The following SNTG2 variants were observed in gnomAD, a reference collection of about 807,000 sequenced individuals.
The protein encoded by SNTG2 is gamma-2-syntrophin.
In SNTG2, 74 loss-of-function variants were observed where a neutral mutation model predicts 70.9. The observed-to-expected ratio is 1.04, with a 90% CI of 0.86 to 1.27. The LOEUF (loss-of-function observed/expected upper bound fraction) is 1.27. Ranked by LOEUF, SNTG2 falls within the 50% of genes most tolerant of loss-of-function variation. SNTG2 has a pLI of 0.00. For missense variants in SNTG2, 717 were observed against 690.7 expected (o/e 1.04, Z -0.43); for synonymous variants, 278 against 273.8 (o/e 1.02, Z -0.15).
At chr2:1,101,137 C>T (rs980449578) in intron 4 of SNTG2, among the ~76,000 whole-genome samples, 2 of 152,206 alleles carry the variant, frequency 1.3e-5, no homozygotes, top group African/African-American at 4.8e-5. Context: ...GAGGTCCCCA[C>T]GCTCCTCCCA....
chr2:1,263,832 T>G (rs886970017), intron 13 of SNTG2, among the ~76,000 whole-genome samples: 1 of 152,214 alleles, frequency 6.6e-6, no homozygotes, highest in Non-Finnish European at 1.5e-5. Context: ...GTGGAGGCTC[T>G]GAGAGAGTGA....
At chr2:1,157,467 C>A (rs4246566) in intron 6 of SNTG2, among the ~76,000 whole-genome samples, 150,119 of 152,350 alleles carry the variant, frequency 0.99, 73,989 homozygotes, top group East Asian at 1. Flanking sequence ...ACAGGAGGGA[C>A]GGTGTCCACG....
intron 14 of SNTG2, among the ~76,000 whole-genome samples, chr2:1,304,480 A>G (rs4356697): frequency 0.02 from 3,015 of 152,220 alleles, 97 homozygotes; most frequent in African/African-American, 0.068. Flanking sequence ...TAATCTCAGC[A>G]CTTTGGGAGG....
intron 16 of SNTG2, among the ~76,000 whole-genome samples, chr2:1,326,275 A>C (rs1009639634): frequency 1.6e-4 from 24 of 152,350 alleles, no homozygotes; most frequent in Non-Finnish European, 2.6e-4. Flanking sequence ...AAGGAAACGT[A>C]ATATGCCTTT....
chr2:1,294,632 T>C (rs960517938), intron 14 of SNTG2, among the ~76,000 whole-genome samples: 3 of 152,196 alleles, frequency 2.0e-5, no homozygotes, highest in Admixed American at 6.5e-5. Flanking sequence ...GTAAAGGGGT[T>C]CATCATCCAT....
At chr2:1,067,070 A>T (rs575142304) in intron 1 of SNTG2, among the ~76,000 whole-genome samples, 4 of 152,138 alleles carry the variant, frequency 2.6e-5, no homozygotes, top group African/African-American at 9.7e-5. Context: ...AAATCGCTCA[A>T]ATTTGCTTTT....
intron 7 of SNTG2, among the ~76,000 whole-genome samples, chr2:1,169,302 G>T (rs1558485060): frequency 6.6e-6 from 1 of 152,068 alleles, no homozygotes; most frequent in Non-Finnish European, 1.5e-5. Flanking sequence ...GCTAAGTGGG[G>T]GTGGGAGGCA....
At chr2:1,209,788 T>C (rs948468316) in intron 9 of SNTG2, among the ~76,000 whole-genome samples, 2 of 152,266 alleles carry the variant, frequency 1.3e-5, no homozygotes, top group Non-Finnish European at 2.9e-5. Flanking sequence ...ATTTAATTAC[T>C]GTGGAAAGGC....
At chr2:1,179,512 A>T (rs567779480) in intron 8 of SNTG2, among the ~76,000 whole-genome samples, 1 of 152,254 alleles carries the variant, frequency 6.6e-6, no homozygotes, top group African/African-American at 2.4e-5. Context: ...CTTACAAGGG[A>T]TGTGAAGGAC....
intron 1 of SNTG2, among the ~76,000 whole-genome samples, chr2:957,236 C>T (rs1030715233): frequency 3.3e-5 from 5 of 150,688 alleles, no homozygotes; most frequent in African/African-American, 7.4e-5. Context: ...ATTCCTAAAA[C>T]GATCATGGTC....
intron 9 of SNTG2, among the ~76,000 whole-genome samples, chr2:1,222,139 C>CTCTCTGTCTCTGTCTCTGTCTCTCTCTG: frequency 8.6e-6 from 1 of 116,116 alleles, no homozygotes; most frequent in South Asian, 2.6e-4. Flanking sequence ...CTCTCTGTCT[C>CTCTCTGTCTCTGTCTCTGTCTCTCTCTG]TCTCTGTCTC....
chr2:982,370 T>C (rs1386832419), intron 1 of SNTG2, among the ~76,000 whole-genome samples: 2 of 152,194 alleles, frequency 1.3e-5, no homozygotes, highest in African/African-American at 4.8e-5. Flanking sequence ...TGTGCCCTAT[T>C]AATCTGGATG....
At chr2:998,872 T>C (rs1319198482) in intron 1 of SNTG2, among the ~76,000 whole-genome samples, 1 of 151,674 alleles carries the variant, frequency 6.6e-6, no homozygotes, top group African/African-American at 2.4e-5. Flanking sequence ...AAAAAAACTT[T>C]GAATCATCAA....
chr2:1,057,604 G>A (rs1662546502), intron 1 of SNTG2, among the ~76,000 whole-genome samples: 1 of 152,170 alleles, frequency 6.6e-6, no homozygotes, highest in African/African-American at 2.4e-5. Flanking sequence ...TGATTAGATG[G>A]TGCCCACTGA....
chr2:1,067,890 G>T (rs1395716490), intron 1 of SNTG2, among the ~76,000 whole-genome samples: 1 of 152,182 alleles, frequency 6.6e-6, no homozygotes, highest in African/African-American at 2.4e-5. Context: ...CTTTCCCCGG[G>T]AGGAAGTGCA....
In SNTG2 at chr2:953,966, A is replaced by G. The variant is rs551030570; in HGVS notation, c.72+2898A>G. ...TGAGTGAGTTGGCAGAGGGGCTGGC[A>G]TTGCAGTTCTCGGTGACAGAGGGTG... On this transcript the variant is annotated intron_variant, in intron 1 of 16. Coordinates refer to ENST00000308624, the MANE Select transcript of SNTG2 (RefSeq NM_018968.4). 6.9e-4 allele frequency among the ~76,000 whole-genome samples: 104 copies of G among 151,198 alleles called. 1 individual carries two copies. The South Asian group carries it at 0.018, about 26-fold the overall frequency.
At chr2:1,365,559 G>A (rs56166938) in intron 16 of SNTG2, among the ~76,000 whole-genome samples, 1 of 151,780 alleles carries the variant, frequency 6.6e-6, no homozygotes, top group African/African-American at 2.4e-5. Flanking sequence ...CTGTGTTGAA[G>A]TCCTCTTCCG....
chr2:1,083,183 AAT>A (rs1553321853), intron 1 of SNTG2, among the ~76,000 whole-genome samples: 16 of 142,208 alleles, frequency 1.1e-4, no homozygotes, highest in African/African-American at 1.8e-4. Flanking sequence ...AAACTAAAAA[AAT>A]ATATATATAT....
intron 9 of SNTG2, among the ~76,000 whole-genome samples, chr2:1,222,506 G>A (rs1675347330): frequency 7.2e-6 from 1 of 139,812 alleles, no homozygotes; most frequent in Non-Finnish European, 1.6e-5. Flanking sequence ...GTGATGGAGG[G>A]CGTCTCCCTG....
Sources: gnomAD v4.1 joint callset for allele counts (sites outside exome capture counted in the v4.1 genomes callset) on GRCh38, gnomAD v4.1.1 for gene constraint, MANE v1.5 for transcripts, NCBI Gene and HGNC (gene_info 2026-07-23, HGNC 2026-07-21) for gene names.